SDK1: variants seen among roughly 807,000 people sequenced by gnomAD.
SDK1 encodes the protein protein sidekick-1.
SDK1 carries 157 observed loss-of-function variants against 245.5 expected under a neutral mutation model. That is an observed-to-expected ratio of 0.64 (90% CI 0.56 to 0.73). The LOEUF is 0.73. SDK1 is among the 30% of genes least tolerant of loss of function. SDK1 has a pLI of 0.00. For missense variants in SDK1, 3,583 were observed against 3,002.3 expected (o/e 1.19, Z -4.52); for synonymous variants, 1,647 against 1,278.5 (o/e 1.29, Z -6.15).
intron 4 of SDK1, among the ~76,000 whole-genome samples, chr7:3,751,809 C>T (rs1435632038): frequency 6.6e-6 from 1 of 152,180 alleles, no homozygotes; most frequent in African/African-American, 2.4e-5. Context: ...CCCTCCCCTT[C>T]CATTTCCTCT....
chr7:3,341,258 A>G (rs1267633813), intron 1 of SDK1, among the ~76,000 whole-genome samples: 1 of 152,184 alleles, frequency 6.6e-6, no homozygotes, highest in African/African-American at 2.4e-5. Flanking sequence ...CCAAAGAAAA[A>G]TCAGCATCTA....
At chr7:3,421,763 T>G (rs759126942) in intron 1 of SDK1, among the ~76,000 whole-genome samples, 2 of 152,132 alleles carry the variant, frequency 1.3e-5, no homozygotes, top group Non-Finnish European at 2.9e-5. Context: ...CTCCTCTGAT[T>G]TAGAGATGAC....
intron 1 of SDK1, among the ~76,000 whole-genome samples, chr7:3,442,242 C>T (rs554259115): frequency 1.3e-5 from 2 of 152,294 alleles, no homozygotes; most frequent in South Asian, 2.1e-4. Flanking sequence ...TCTTTTATAG[C>T]ACATAGCCTT....
intron 5 of SDK1, among the ~76,000 whole-genome samples, chr7:3,896,123 T>G (rs189307691): frequency 4.9e-3 from 752 of 152,324 alleles, no homozygotes; most frequent in Non-Finnish European, 8.0e-3. Flanking sequence ...GTCTTCTGTT[T>G]ACTGATTTTC....
chr7:3,686,032 G>C (rs912578300), intron 4 of SDK1, among the ~76,000 whole-genome samples: 1 of 152,032 alleles, frequency 6.6e-6, no homozygotes, highest in Non-Finnish European at 1.5e-5. Flanking sequence ...GACATAAGAG[G>C]ACAGAAAGTA....
At chr7:4,008,187 A>G (rs998796145) in intron 14 of SDK1, among the ~76,000 whole-genome samples, 2 of 152,336 alleles carry the variant, frequency 1.3e-5, no homozygotes, top group East Asian at 3.9e-4. Context: ...ACTGTCCTCA[A>G]GGTTCATCCA....
intron 4 of SDK1, among the ~76,000 whole-genome samples, chr7:3,815,598 G>A (rs1464220029): frequency 6.1e-5 from 9 of 147,976 alleles, no homozygotes; most frequent in Admixed American, 3.4e-4. Flanking sequence ...GTCTCTGCCC[G>A]GCTTTGGTAT....
At chr7:3,680,570 G>T (rs1489350384) in intron 4 of SDK1, among the ~76,000 whole-genome samples, 1 of 152,156 alleles carries the variant, frequency 6.6e-6, no homozygotes, top group Non-Finnish European at 1.5e-5. Context: ...TACTTTGGGG[G>T]AAATTAGATG....
In SDK1 at chr7:3,909,836, C is replaced by CT. The variant is rs201683876; in HGVS notation, c.848-41080dup. 7.1e-3 allele frequency among the ~76,000 whole-genome samples: 1,077 copies of CT among 152,182 alleles called. 18 individuals are homozygous for CT. Among genetic ancestry groups the CT allele is most frequent in the African/African-American group, 0.024 (996 of 41,500 alleles). On this transcript the variant is annotated intron_variant, in intron 5 of 44. Transcript: ENST00000404826. ...GGCACCTCTTCATATATAAATCAGC[C>CT]TTTTTTTGAATAAAAGTTAAATACA...
chr7:4,147,748 C>G (rs1483380869), intron 29 of SDK1, among the ~76,000 whole-genome samples: 1 of 152,166 alleles, frequency 6.6e-6, no homozygotes, highest in African/African-American at 2.4e-5. Flanking sequence ...CTGCTGCCAC[C>G]CTGGGTATCA....
chr7:3,310,978 C>G (rs895023370), intron 1 of SDK1, among the ~76,000 whole-genome samples: 2 of 152,164 alleles, frequency 1.3e-5, no homozygotes, highest in African/African-American at 4.8e-5. Context: ...AAGTACATAG[C>G]ATGCATCCAG....
chr7:4,220,515 G>GTT (rs34675135), intron 39 of SDK1, among the ~76,000 whole-genome samples: 8,331 of 140,520 alleles, frequency 0.059, 495 homozygotes, highest in African/African-American at 0.15. Flanking sequence ...AGTTTTAGTT[G>GTT]TTTTTTTTTT....
At chr7:3,568,653 G>C (rs969864854) in intron 1 of SDK1, among the ~76,000 whole-genome samples, 1 of 152,134 alleles carries the variant, frequency 6.6e-6, no homozygotes, top group Non-Finnish European at 1.5e-5. Flanking sequence ...CATGTTAAAG[G>C]GCAGACCTGT....
chr7:3,412,437 G>C (rs1779235944), intron 1 of SDK1, among the ~76,000 whole-genome samples: 1 of 152,118 alleles, frequency 6.6e-6, no homozygotes, highest in Admixed American at 6.5e-5. Flanking sequence ...TATGTAATTA[G>C]GACATAGGCA....
At chr7:3,522,637 C>G (rs538691782) in intron 1 of SDK1, among the ~76,000 whole-genome samples, 1 of 152,004 alleles carries the variant, frequency 6.6e-6, no homozygotes, top group African/African-American at 2.4e-5. Flanking sequence ...GACCTTTGAA[C>G]GACTTCTTAC....
chr7:3,985,823 G>C (rs959101867), intron 13 of SDK1, among the ~76,000 whole-genome samples: 4 of 152,164 alleles, frequency 2.6e-5, no homozygotes, highest in Non-Finnish European at 5.9e-5. Context: ...TTGGGGAACT[G>C]AAAGCTCAAA....
chr7:3,673,007 C>T (rs1221743696), intron 4 of SDK1, among the ~76,000 whole-genome samples: 3 of 151,150 alleles, frequency 2.0e-5, no homozygotes, highest in Non-Finnish European at 4.4e-5. Flanking sequence ...AAATAAGCAT[C>T]TTTGCTTTAC....
intron 1 of SDK1, among the ~76,000 whole-genome samples, chr7:3,444,649 G>A (rs1329156157): frequency 1.3e-5 from 2 of 152,070 alleles, no homozygotes; most frequent in Non-Finnish European, 2.9e-5. Flanking sequence ...CCTCTCTCTA[G>A]CTATGTATAT....
rs533698938 is a variant in SDK1, at chr7:4,266,292, G to A, written c.*908G>A. The A allele has an allele frequency of 4.1e-6, 4 of 985,440 alleles. No homozygotes were observed. The South Asian group carries it at 1.9e-4, about 46-fold the overall frequency. 61.0% of individuals were successfully genotyped at this position (985,440 alleles called of 1,614,324 possible). A position where few individuals can be genotyped will look rare whatever the true frequency, so the allele number is the denominator to read the frequency against. On this transcript the variant is annotated 3_prime_UTR_variant, in exon 45 of 45. Coordinates refer to ENST00000404826, the MANE Select transcript of SDK1 (RefSeq NM_152744.4). The stretch of plus-strand genomic sequence containing the variant: ...TATCTTTTTTTAAACTATGTCACAT[G>A]AAATGAATGCGTCTTTGCTGTCTCC...
Sources: gnomAD v4.1 joint callset for allele counts (sites outside exome capture counted in the v4.1 genomes callset) on GRCh38, gnomAD v4.1.1 for gene constraint, MANE v1.5 for transcripts, NCBI Gene and HGNC (gene_info 2026-07-23, HGNC 2026-07-21) for gene names.